ACYP2: variants seen among roughly 807,000 people sequenced by gnomAD.
ACYP2 encodes acylphosphatase 2.
Under a neutral mutation model 11.2 loss-of-function variants are expected in ACYP2, and 12 were observed. The observed-to-expected ratio is 1.08, with a 90% confidence interval of 0.69 to 1.74. ACYP2 has a LOEUF of 1.74. Ranked by LOEUF, ACYP2 falls within the 40% of genes most tolerant of loss-of-function variation. ACYP2 has a pLI of 0.00. For missense variants in ACYP2, 134 were observed against 101.9 expected, an observed-to-expected ratio of 1.31 and a Z score of -1.35; for synonymous variants, 43 against 32.2, an observed-to-expected ratio of 1.33 and a Z score of -1.13.
chr2:54,003,658 C>A (rs10167891), intron 2 of ACYP2, among the ~76,000 whole-genome samples: 66,028 of 151,958 alleles, frequency 0.43, 14,580 homozygotes, highest in South Asian at 0.51. Flanking sequence ...TTGTTTTTTT[C>A]CCCCAGTTTT....
At chr2:54,121,186 TAAAG>T (rs1680135978) in intron 4 of ACYP2, among the ~76,000 whole-genome samples, 1 of 152,026 alleles carries the variant, frequency 6.6e-6, no homozygotes, top group African/African-American at 2.4e-5. Flanking sequence ...AAGCTCTCGA[TAAAG>T]AGAGGGGACC....
chr2:54,030,169 G>A (rs909042172), intron 2 of ACYP2, among the ~76,000 whole-genome samples: 1 of 152,150 alleles, frequency 6.6e-6, no homozygotes, highest in African/African-American at 2.4e-5. Flanking sequence ...GGGGCCCCAG[G>A]ACCTTCAAGG....
At chr2:54,159,838 C>T (rs188546059) in intron 6 of ACYP2, among the ~76,000 whole-genome samples, 2 of 152,300 alleles carry the variant, frequency 1.3e-5, no homozygotes, top group Admixed American at 1.3e-4. Flanking sequence ...TCCTCTGCCA[C>T]AAGTGCTCTT....
chr2:54,233,625 T>C (rs909774911), intron 6 of ACYP2, among the ~76,000 whole-genome samples: 2 of 152,042 alleles, frequency 1.3e-5, no homozygotes, highest in Non-Finnish European at 2.9e-5. Context: ...TTCTTATCCC[T>C]CCTGTAATCC....
intron 4 of ACYP2, among the ~76,000 whole-genome samples, chr2:54,095,635 G>T (rs547965282): frequency 6.8e-6 from 1 of 146,540 alleles, no homozygotes; most frequent in South Asian, 2.2e-4. Context: ...CTCCCTCCCA[G>T]ATGGGGCGGC....
chr2:54,201,676 TTCTTTCTC>T lies in ACYP2; in HGVS notation c.404+62932_404+62939del, dbSNP rs1202907734. ...TTTCTTTCTTTCTTTCTTTCTTTCTTTCTTTCTCTCTCTCTCTCTCTCTTTTTTCTTTT... is the reference window on the plus strand; with the variant it reads ...TTTCTTTCTTTCTTTCTTTCTTTCTTTCTCTCTCTCTCTCTTTTTTCTTTT... On this transcript the variant is annotated intron_variant, in intron 6 of 6. Coordinates refer to ENST00000607452, the MANE Select transcript of ACYP2 (RefSeq NM_001320586.2). 2.5e-3 allele frequency among the ~76,000 whole-genome samples: 272 copies of T among 108,742 alleles called. 1 individual carries two copies. Among genetic ancestry groups the T allele is most frequent in the African/African-American group, 9.4e-3 (258 of 27,480 alleles). 71.3% of individuals were successfully genotyped at this position (108,742 alleles called of 152,430 possible). A position where few individuals can be genotyped will look rare whatever the true frequency, so the allele number is the denominator to read the frequency against.
intron 6 of ACYP2, among the ~76,000 whole-genome samples, chr2:54,176,469 T>C (rs887002122): frequency 7.2e-5 from 11 of 152,206 alleles, no homozygotes; most frequent in Non-Finnish European, 1.2e-4. Context: ...TGAACTTTTG[T>C]AGGACAGAGG....
In ACYP2 at chr2:54,164,216, A is replaced by G. The variant is rs560379148; in HGVS notation, c.404+25468A>G. ...AGAGAGATGGCATGGGTCAGGGTGA[A>G]GCTTCTAGGAGTGAATCATGGATGC... On this transcript the variant is annotated intron_variant, in intron 6 of 6. Coordinates refer to ENST00000607452, the MANE Select transcript of ACYP2 (RefSeq NM_001320586.2). Among the ~76,000 whole-genome samples, 13 of 152,260 alleles carry G rather than the reference A, an allele frequency of 8.5e-5. No homozygotes were observed. The South Asian group carries it at 2.5e-3, about 29-fold the overall frequency.
intron 2 of ACYP2, among the ~76,000 whole-genome samples, chr2:54,025,365 A>G (rs1044534072): frequency 1.3e-5 from 2 of 152,198 alleles, no homozygotes; most frequent in Non-Finnish European, 2.9e-5. Context: ...ACAGCATGGT[A>G]TTGGCATAAA....
At chr2:54,144,884 C>A (rs553380072) in intron 6 of ACYP2, among the ~76,000 whole-genome samples, 1 of 152,164 alleles carries the variant, frequency 6.6e-6, no homozygotes, top group South Asian at 2.1e-4. Flanking sequence ...CAACTTCCAT[C>A]TTTATTAATT....
chr2:54,117,101 C>T (rs985780176), intron 4 of ACYP2, among the ~76,000 whole-genome samples: 4 of 151,970 alleles, frequency 2.6e-5, no homozygotes, highest in East Asian at 1.9e-4. Flanking sequence ...CGCAAAGAAC[C>T]GAGCATACTG....
intron 6 of ACYP2, among the ~76,000 whole-genome samples, chr2:54,235,359 T>A (rs1223573231): frequency 6.6e-6 from 1 of 152,140 alleles, no homozygotes; most frequent in Non-Finnish European, 1.5e-5. Flanking sequence ...TCTGTTTTGT[T>A]TTGTTTTGAG....
rs77095744 is a variant in ACYP2, at chr2:54,096,422, A to G, written c.278-39031A>G. ...CAGGCAGAGATGCTCCTCACTTCCC[A>G]GACGGGGTGGCGGCCTGGCAGAGGC... is the stretch of plus-strand genomic sequence containing the variant. On this transcript the variant is annotated intron_variant, in intron 4 of 6. Transcript: ENST00000607452. 2.7e-3 allele frequency among the ~76,000 whole-genome samples: 418 copies of G among 152,042 alleles called. 15 individuals are homozygous for G. The East Asian group carries it at 0.074, about 27-fold the overall frequency.
At chr2:54,123,727 C>T (rs955385923) in intron 4 of ACYP2, among the ~76,000 whole-genome samples, 25 of 152,034 alleles carry the variant, frequency 1.6e-4, no homozygotes, top group African/African-American at 4.6e-4. Flanking sequence ...TTCAAGATTG[C>T]TGCTTAGCTC....
chr2:54,304,613 C>A, intron 6 of ACYP2, 75 bp from the exon 4 acceptor site: 1 of 975,472 alleles, frequency 1.0e-6, no homozygotes, highest in Non-Finnish European at 1.6e-6. Context: ...CCATTAATAC[C>A]TACTGTGGGC....
At chr2:54,160,742 G>A (rs1682675744) in intron 6 of ACYP2, among the ~76,000 whole-genome samples, 1 of 152,206 alleles carries the variant, frequency 6.6e-6, no homozygotes, top group Non-Finnish European at 1.5e-5. Context: ...TGCATATCAT[G>A]TGAATTTGTC....
At chr2:54,191,181 ACCCTAACC>A in intron 6 of ACYP2, among the ~76,000 whole-genome samples, 1 of 151,578 alleles carries the variant, frequency 6.6e-6, no homozygotes, top group Non-Finnish European at 1.5e-5. Context: ...CACAACAGCC[ACCCTAACC>A]CCCTTTCACT....
chr2:54,265,267 A>T (rs1687964724), intron 6 of ACYP2, among the ~76,000 whole-genome samples: 1 of 152,190 alleles, frequency 6.6e-6, no homozygotes, highest in South Asian at 2.1e-4. Flanking sequence ...AGGAGGAGCA[A>T]GTCACATCTT....
At chr2:54,106,092 T>A (rs950189709) in intron 4 of ACYP2, among the ~76,000 whole-genome samples, 1 of 152,180 alleles carries the variant, frequency 6.6e-6, no homozygotes, top group African/African-American at 2.4e-5. Flanking sequence ...AAAATGCCAC[T>A]GCAAATGTAA....
Sources: allele counts gnomAD v4.1 joint callset (sites outside exome capture counted in the v4.1 genomes callset), GRCh38; gene constraint gnomAD v4.1.1; transcripts MANE v1.5; gene names NCBI Gene and HGNC (gene_info 2026-07-23, HGNC 2026-07-21).